The following CPZ variants were observed in gnomAD, a reference collection of about 807,000 sequenced individuals.
The protein encoded by CPZ is carboxypeptidase Z, also known as VEZT/CPZ fusion.
A neutral mutation model predicts 61.8 loss-of-function variants in CPZ; 103 were observed. The ratio of observed to expected loss-of-function variants is 1.67; its 90% CI spans 1.42 to 1.96. CPZ has a LOEUF of 1.96. Ranked by LOEUF, CPZ falls within the 30% of genes most tolerant of loss-of-function variation. The pLI, the probability that CPZ is intolerant of heterozygous loss-of-function variation, is 0.00. For synonymous variants in CPZ, 551 were observed against 373.7 expected, an observed-to-expected ratio of 1.47 and a Z score of -5.47; for missense variants, 1,461 against 914.9, an observed-to-expected ratio of 1.60 and a Z score of -7.70.
chr4:8,609,059 A>ACTCACCCATTCACTCACGTCCTCACTCC (rs770569163), intron 7 of CPZ, among the ~76,000 whole-genome samples: 1 of 117,930 alleles, frequency 8.5e-6, no homozygotes, highest in Admixed American at 7.5e-5. Context: ...TCCCTCCCTC[A>ACTCACCCATTCACTCACGTCCTCACTCC]CTCCCTCACT....
chr4:8,614,351 T>C lies in CPZ; in HGVS notation c.1364-8T>C. 6.2e-7 allele frequency: 1 copy of C among 1,611,954 alleles called. No homozygotes were observed. Among genetic ancestry groups the C allele is most frequent in the Non-Finnish European group, 8.5e-7 (1 of 1,179,030 alleles). ...ACCCCTGACGTCCCCGCTGTCTCTG[T>C]GCCACAGGCATGTCCGATTTCAACT... On this transcript the variant is annotated splice_polypyrimidine_tract_variant and splice_region_variant and intron_variant, in intron 8 of 10. Coordinates refer to ENST00000360986, the MANE Select transcript of CPZ (RefSeq NM_001014447.3).
At chr4:8,595,999 G>A (rs1156374253) in intron 1 of CPZ, among the ~76,000 whole-genome samples, 1 of 141,228 alleles carries the variant, frequency 7.1e-6, no homozygotes, top group East Asian at 2.1e-4. Flanking sequence ...GACAGGGAGT[G>A]CGGCCCTGCA....
rs1163251477 is a variant in CPZ, at chr4:8,601,355, C to A, written c.354C>A (p.Cys118Ter). Reference protein sequence around the residue: ...RCEGGWVRRPCRHICEGLREV... With the variant: ...RCEGGWVRRP ...AGGGCGGCTGGGTGCGCAGACCCTG[C>A]CGGCACATCTGCGAGGGCCTGCGGG... Residue 118 changes from cysteine to a stop codon, truncating the protein, a stop_gained, in exon 3 of 11, where the codon TGC becomes TGA. Coordinates refer to ENST00000360986, the MANE Select transcript of CPZ (RefSeq NM_001014447.3). LOFTEE classifies it high-confidence loss of function. The A allele has an allele frequency of 1.2e-6, 2 of 1,603,800 alleles. No individual in the cohort carries two copies. The highest frequency in any genetic ancestry group is 8.5e-7 in the Non-Finnish European group (1 of 1,172,974).
chr4:8,598,012 G>C (rs758769937), intron 1 of CPZ, among the ~76,000 whole-genome samples: 1 of 152,202 alleles, frequency 6.6e-6, no homozygotes, highest in Non-Finnish European at 1.5e-5. Flanking sequence ...TTCCCTGCCA[G>C]CTTGGACAGG....
intron 1 of CPZ, among the ~76,000 whole-genome samples, chr4:8,596,752 G>A (rs1235236311): frequency 6.6e-6 from 1 of 152,212 alleles, no homozygotes. Flanking sequence ...GAGACTGGAA[G>A]CCACAGGAAG....
intron 5 of CPZ, 22 bp from the exon 6 acceptor site, chr4:8,606,715 C>A (rs903028963): frequency 1.2e-6 from 2 of 1,613,700 alleles, no homozygotes; most frequent in African/African-American, 2.7e-5. Context: ...CCCACCCAGT[C>A]GGGGGTTGGC....
intron 10 of CPZ, 37 bp downstream of exon 10, chr4:8,618,565 C>A (rs1208265431): frequency 6.3e-7 from 1 of 1,594,624 alleles, no homozygotes; most frequent in Admixed American, 1.7e-5. Context: ...GGGACCACGT[C>A]TGCCAAGGAA....
intron 5 of CPZ, among the ~76,000 whole-genome samples, chr4:8,606,458 G>A (rs1324258404): frequency 6.6e-6 from 1 of 152,088 alleles, no homozygotes; most frequent in African/African-American, 2.4e-5. Flanking sequence ...GGGGGGTCAG[G>A]GTAGCTCTCG....
rs775980838 is a variant in CPZ at position 8,618,490 on chromosome 4, G to T, written c.1565G>T (p.Arg522Leu). 6.2e-7 allele frequency: 1 copy of T among 1,614,124 alleles called. No homozygotes were observed. The highest frequency in any genetic ancestry group is 8.5e-7 in the Non-Finnish European group (1 of 1,180,034). Reference protein sequence around the residue: ...DKFGKPVKNARISVKGIRHDI... With the variant: ...DKFGKPVKNALISVKGIRHDI... ...TTCGGCAAGCCAGTCAAAAACGCCC[G>T]GATCTCAGTCAAAGGCATTCGCCAC... The change falls in exon 10 of 11, where the codon CGG (arginine) becomes CTG (leucine). Residue 522 changes from arginine (R) to leucine (L), a missense_variant. Physicochemically the swap from Arg to Leu is moderately radical, Grantham distance 102. Coordinates refer to ENST00000360986, the MANE Select transcript of CPZ (RefSeq NM_001014447.3).
chr4:8,608,316 C>G (rs1197930314), intron 7 of CPZ, among the ~76,000 whole-genome samples: 1 of 152,184 alleles, frequency 6.6e-6, no homozygotes, highest in Non-Finnish European at 1.5e-5. Flanking sequence ...CCTCCCTGCA[C>G]TTTCCCTTGG....
chr4:8,611,953 C>A (rs1715735380), intron 7 of CPZ, 74 bp from the exon 8 acceptor site: 1 of 1,607,080 alleles, frequency 6.2e-7, no homozygotes, highest in Non-Finnish European at 8.5e-7. Flanking sequence ...CGCAGCTCCT[C>A]CCCTCATTGA....
intron 10 of CPZ, among the ~76,000 whole-genome samples, chr4:8,618,897 T>C (rs1716440314): frequency 6.6e-6 from 1 of 152,172 alleles, no homozygotes; most frequent in Non-Finnish European, 1.5e-5. Flanking sequence ...CTGTGCGGGC[T>C]CTGGCTGTCC....
At chr4:8,601,611 C>A in intron 3 of CPZ, 114 bp downstream of exon 3, 2 of 1,183,888 alleles carry the variant, frequency 1.7e-6, no homozygotes, top group Non-Finnish European at 2.3e-6. Context: ...ACGGTGCAGG[C>A]ATTGGTAGAG....
At chr4:8,619,014 G>C (rs1444710221) in intron 10 of CPZ, among the ~76,000 whole-genome samples, 1 of 152,090 alleles carries the variant, frequency 6.6e-6, no homozygotes, top group African/African-American at 2.4e-5. Context: ...CTGTGGGGTG[G>C]GTATGGGGGG....
intron 9 of CPZ, among the ~76,000 whole-genome samples, chr4:8,615,492 A>G (rs1465343141): frequency 6.6e-6 from 1 of 152,232 alleles, no homozygotes; most frequent in African/African-American, 2.4e-5. Flanking sequence ...GGCCTCAGAA[A>G]GAGGGTTGAG....
At position 8,592,914 on chromosome 4, in the gene CPZ, C is replaced by A. The variant is rs754244022; in HGVS notation, c.81C>A (p.Asn27Lys). The A allele has an allele frequency of 1.4e-5, 22 of 1,535,628 alleles. No homozygotes were observed. The East Asian group carries it at 3.0e-4, about 21-fold the overall frequency. ...GGCCGGGGTGCGAGTTTGAGCGGAA[C>A]CCCGCCGGTAAGGCCGTCCCCTGCC... ...AARPGCEFER[N>K]PAGECHRPPA... Residue 27 changes from asparagine (N) to lysine (K), a missense_variant, in exon 1 of 11, where the codon AAC (asparagine) becomes AAA (lysine). Coordinates refer to ENST00000360986, the MANE Select transcript of CPZ (RefSeq NM_001014447.3).
At chr4:8,611,121 C>T (rs1229621043) in intron 7 of CPZ, 1 of 424,852 alleles carries the variant, frequency 2.4e-6, no homozygotes, top group Admixed American at 2.4e-5. Flanking sequence ...CTGGGCCCTG[C>T]CTGTCCACCC....
At chr4:8,618,635 G>C in intron 10 of CPZ, 107 bp downstream of exon 10, 1 of 1,067,988 alleles carries the variant, frequency 9.4e-7, no homozygotes, top group Non-Finnish European at 1.4e-6. Flanking sequence ...CCCTCAGCAG[G>C]ATGGCTCCAT....
At chr4:8,615,546 G>A (rs142388136) in intron 9 of CPZ, among the ~76,000 whole-genome samples, 5,513 of 152,358 alleles carry the variant, frequency 0.036, 137 homozygotes, top group Non-Finnish European at 0.05. Context: ...CGTACAGTTG[G>A]CGCCCACCCA....
Sources: gnomAD v4.1 joint callset for allele counts (sites outside exome capture counted in the v4.1 genomes callset) on GRCh38, gnomAD v4.1.1 for gene constraint, MANE v1.5 for transcripts, NCBI Gene and HGNC (gene_info 2026-07-23, HGNC 2026-07-21) for gene names.